CACNA1C: variants seen among roughly 807,000 people sequenced by gnomAD.
CACNA1C encodes calcium voltage-gated channel subunit alpha1 C.
Under a neutral mutation model 229.0 loss-of-function variants are expected in CACNA1C, and 30 were observed. The observed-to-expected ratio is 0.13, with a 90% CI of 0.10 to 0.18. CACNA1C has a LOEUF of 0.18. CACNA1C is among the 10% of genes least tolerant of loss of function. The probability of loss-of-function intolerance (pLI) is 1.00; values close to 1 mark genes in which losing one functional copy is unlikely to be tolerated. For synonymous variants in CACNA1C, 1,114 were observed against 1,132.5 expected (o/e 0.98, Z 0.33); for missense variants, 1,658 against 2,845.0 (o/e 0.58, Z 9.49).
At chr12:2,072,713 A>G (rs996872899) in intron 1 of CACNA1C, among the ~76,000 whole-genome samples, 3 of 152,204 alleles carry the variant, frequency 2.0e-5, no homozygotes, top group Non-Finnish European at 4.4e-5. Flanking sequence ...TTGGTACATT[A>G]GGTATCTATT....
intron 22 of CACNA1C, among the ~76,000 whole-genome samples, chr12:2,604,120 A>C (rs1359261795): frequency 6.6e-6 from 1 of 152,126 alleles, no homozygotes; most frequent in Non-Finnish European, 1.5e-5. Flanking sequence ...GCCAGTTTTT[A>C]TACAGAAAAG....
At chr12:2,111,899 G>T (rs894117772) in intron 1 of CACNA1C, among the ~76,000 whole-genome samples, 2 of 152,216 alleles carry the variant, frequency 1.3e-5, no homozygotes, top group Non-Finnish European at 2.9e-5. Flanking sequence ...GGGGCAGGTG[G>T]TGTAGTGGAT....
intron 3 of CACNA1C, among the ~76,000 whole-genome samples, chr12:2,190,301 GC>G (rs879894461): frequency 4.6e-5 from 7 of 152,250 alleles, no homozygotes; most frequent in Non-Finnish European, 7.4e-5. Context: ...TTGCCAGCCA[GC>G]GTTCTCCCAG....
At chr12:2,567,519 C>A in intron 12 of CACNA1C, 50 bp from the exon 13 acceptor site, 1 of 1,177,276 alleles carries the variant, frequency 8.5e-7, no homozygotes, top group Non-Finnish European at 1.2e-6. Context: ...GCCTCCCTCT[C>A]TGCCTCCTCT....
chr12:2,035,435 T>C (rs1190935456), intron 1 of CACNA1C, among the ~76,000 whole-genome samples: 1 of 152,208 alleles, frequency 6.6e-6, no homozygotes, highest in East Asian at 1.9e-4. Flanking sequence ...AGGATGGTGC[T>C]ACAAGCGGCC....
chr12:2,041,269 T>G (rs2050026904), intron 1 of CACNA1C, among the ~76,000 whole-genome samples: 1 of 132,998 alleles, frequency 7.5e-6, no homozygotes, highest in South Asian at 2.4e-4. Flanking sequence ...CTAAGGGTAT[T>G]CTTTTTTTTT....
Position 2,665,759 on chromosome 12 carries a change from C to T in CACNA1C, c.4526+51C>T. 5 of 1,562,788 alleles carry T rather than the reference C, an allele frequency of 3.2e-6. No individual in the cohort carries two copies. The highest frequency in any genetic ancestry group is 4.3e-6 in the Non-Finnish European group (5 of 1,151,028). ...TTCCCCAAGCTGAGAGAGGGTATAG[C>T]TGACCATACCTGCAGGAGGGGCTCA... On this transcript the variant is annotated intron_variant, in intron 36 of 46. Transcript: ENST00000399655. This position sits in a 1 kb window ranked among gnomAD's most constrained non-coding sequence, Gnocchi z 5.9.
chr12:1,995,777 C>G (rs1206906777), intron 1 of CACNA1C, among the ~76,000 whole-genome samples: 1 of 152,318 alleles, frequency 6.6e-6, no homozygotes, highest in African/African-American at 2.4e-5. Flanking sequence ...AACCATAAAC[C>G]CTCATCGGTT....
intron 8 of CACNA1C, among the ~76,000 whole-genome samples, chr12:2,509,233 AC>A (rs1245180903): frequency 1.3e-5 from 2 of 152,314 alleles, no homozygotes; most frequent in African/African-American, 4.8e-5. Flanking sequence ...AGTATCTGGG[AC>A]CAGAAGAAAG....
chr12:2,405,119 T>C (rs984662156), intron 3 of CACNA1C, among the ~76,000 whole-genome samples: 1 of 152,224 alleles, frequency 6.6e-6, no homozygotes, highest in Non-Finnish European at 1.5e-5. Context: ...TATAGATACA[T>C]TCTACTGATC....
chr12:2,540,387 G>A (rs2099866726), intron 9 of CACNA1C, among the ~76,000 whole-genome samples: 1 of 152,182 alleles, frequency 6.6e-6, no homozygotes, highest in South Asian at 2.1e-4. Flanking sequence ...AGGAGACTCG[G>A]TGGGCAGGAG....
At chr12:2,208,208 C>G (rs1480940251) in intron 3 of CACNA1C, among the ~76,000 whole-genome samples, 3 of 152,176 alleles carry the variant, frequency 2.0e-5, no homozygotes, top group Non-Finnish European at 4.4e-5. Flanking sequence ...GAAAACGTAG[C>G]ATGATGCCCA....
At chr12:2,380,467 G>A (rs1359893086) in intron 3 of CACNA1C, among the ~76,000 whole-genome samples, 2 of 152,150 alleles carry the variant, frequency 1.3e-5, no homozygotes, top group East Asian at 3.8e-4. Flanking sequence ...CATTCCATCT[G>A]TGTGTTTAGG....
chr12:2,012,621 C>T (rs1488413911), intron 1 of CACNA1C, among the ~76,000 whole-genome samples: 1 of 152,196 alleles, frequency 6.6e-6, no homozygotes, highest in Non-Finnish European at 1.5e-5. Context: ...AGATTGGAAG[C>T]CCAGTTTCTA....
chr12:2,594,241 C>T (rs1462181389), intron 19 of CACNA1C, among the ~76,000 whole-genome samples: 4 of 152,166 alleles, frequency 2.6e-5, no homozygotes, highest in African/African-American at 4.8e-5. Context: ...GATTTTTATT[C>T]AGTTATTGAA....
intron 1 of CACNA1C, among the ~76,000 whole-genome samples, chr12:1,994,576 C>T (rs909165606): frequency 1.3e-5 from 2 of 152,156 alleles, no homozygotes; most frequent in African/African-American, 4.8e-5. Context: ...AATGTACTCC[C>T]AAAGAGCTCT....
rs554863405 is a variant in CACNA1C at position 2,559,506 on chromosome 12, C to T, written c.1508+2529C>T. 1.4e-3 allele frequency among the ~76,000 whole-genome samples: 208 copies of T among 152,390 alleles called. 2 individuals carry two copies. The highest frequency in any genetic ancestry group is 4.7e-3 in the African/African-American group (196 of 41,600). On this transcript the variant is annotated intron_variant, in intron 11 of 46. Coordinates refer to ENST00000399655, the MANE Select transcript of CACNA1C (RefSeq NM_000719.7). ...TATGTGCTGGCCATTCAGCCCTGAT[C>T]ATCTGCCTCTGGGAAGGCCTTCTCC... is the stretch of plus-strand genomic sequence containing the variant.
At position 2,486,344 on chromosome 12, in the gene CACNA1C, A is replaced by C; in HGVS notation, c.916+82A>C. ...CTTTCCCGCTGCTGGCTACACCAACATGACCAGCAGAGCCCAGGGAAGGCC... is the reference window on the plus strand; with the variant it reads ...CTTTCCCGCTGCTGGCTACACCAACCTGACCAGCAGAGCCCAGGGAAGGCC... On this transcript the variant is annotated intron_variant, in intron 6 of 46. Coordinates refer to ENST00000399655, the MANE Select transcript of CACNA1C (RefSeq NM_000719.7). The surrounding 1 kb of genome is among the most constrained non-coding windows in gnomAD (Gnocchi z 4.9). 3 of 1,210,964 alleles carry C rather than the reference A, an allele frequency of 2.5e-6. No homozygotes were observed. Among genetic ancestry groups the C allele is most frequent in the Admixed American group, 2.0e-5 (1 of 50,630 alleles). The allele number at this position is 1,210,964 out of a possible 1,614,324, so 75.0% of individuals were successfully genotyped here.
rs1260599304 is a variant in CACNA1C, at chr12:2,649,543, T to C, written c.3945+1036T>C. 6.6e-6 allele frequency among the ~76,000 whole-genome samples: 1 copy of C among 152,184 alleles called. No homozygotes were observed. The highest frequency in any genetic ancestry group is 1.5e-5 in the Non-Finnish European group (1 of 68,038). ...CTTTTTGCATTGTTATTTGGTTTATTAGAGCAAATTGGTGCATCCGAATGG... is the reference window on the plus strand; with the variant it reads ...CTTTTTGCATTGTTATTTGGTTTATCAGAGCAAATTGGTGCATCCGAATGG... On this transcript the variant is annotated intron_variant, in intron 31 of 46. Coordinates refer to ENST00000399655, the MANE Select transcript of CACNA1C (RefSeq NM_000719.7). This position sits in a 1 kb window ranked among gnomAD's most constrained non-coding sequence, Gnocchi z 4.4.
Sources: gnomAD v4.1 joint callset for allele counts (sites outside exome capture counted in the v4.1 genomes callset) on GRCh38, gnomAD v4.1.1 for gene constraint, Gnocchi (gnomAD v3.1) non-coding constraint, MANE v1.5 for transcripts, NCBI Gene and HGNC (gene_info 2026-07-23, HGNC 2026-07-21) for gene names.